PRPF6: variants seen among roughly 807,000 people sequenced by gnomAD.
PRPF6 encodes pre-mRNA processing factor 6, also known as pre-mRNA-processing factor 6.
Under a neutral mutation model 118.3 loss-of-function variants are expected in PRPF6, and 42 were observed. The observed-to-expected ratio is 0.35, with a 90% CI of 0.28 to 0.46. The LOEUF (loss-of-function observed/expected upper bound fraction) is 0.46. Among genes scored for constraint, PRPF6 ranks in the 20% least tolerant of loss-of-function variants. PRPF6 has a pLI of 1.00. For missense variants in PRPF6, 662 were observed against 1,255.7 expected, an observed-to-expected ratio of 0.53 and a Z score of 7.15; for synonymous variants, 481 against 485.1, an observed-to-expected ratio of 0.99 and a Z score of 0.11.
Position 64,024,482 on chromosome 20 carries a change from C to T in PRPF6, c.1770-73C>T, listed in dbSNP as rs1401809156. The T allele has an allele frequency of 1.8e-5, 28 of 1,590,140 alleles. 1 individual carries two copies. The Middle Eastern group carries it at 5.0e-4, about 28-fold the overall frequency. On this transcript the variant is annotated intron_variant, in intron 13 of 20. Transcript: ENST00000266079. ...AGTAACTGTCTTTCTGGCGTGCCCA[C>T]GCCATGGCTGAGTGTGATGTGTGTT...
chr20:63,995,001 G>C lies in PRPF6; in HGVS notation c.524G>C (p.Arg175Pro). The C allele has an allele frequency of 1.2e-5, 19 of 1,614,184 alleles. No homozygotes were observed. Among genetic ancestry groups the C allele is most frequent in the Non-Finnish European group, 1.4e-5 (17 of 1,180,032 alleles). ...DARNKRQRNPRYEKLTPVPDS... is the reference protein window; with the variant it reads ...DARNKRQRNPPYEKLTPVPDS... The stretch of plus-strand genomic sequence containing the variant: ...AGAAATAAACGTCAGCGGAACCCAC[G>C]CTATGAGAAGCTGACCCCTGTTCCT... Residue 175 changes from arginine (R) to proline (P), a missense_variant, in exon 5 of 21, where the codon CGC becomes CCC. Arg to Pro is a moderately radical substitution (Grantham distance 103). Transcript: ENST00000266079.
intron 11 of PRPF6, among the ~76,000 whole-genome samples, chr20:64,014,585 G>A (rs771481087): frequency 4.6e-5 from 7 of 151,992 alleles, no homozygotes; most frequent in East Asian, 1.9e-4. Context: ...TGAACCTGGC[G>A]GAGGCAGAGG....
chr20:64,023,602 TC>T (rs57800795), intron 13 of PRPF6, among the ~76,000 whole-genome samples: 22,219 of 152,180 alleles, frequency 0.15, 1,918 homozygotes, highest in South Asian at 0.24. Context: ...CTCAGCCTCT[TC>T]AGGGTGTCTT....
intron 3 of PRPF6, among the ~76,000 whole-genome samples, chr20:63,988,576 T>C (rs2059105120): frequency 6.6e-6 from 1 of 151,894 alleles, no homozygotes; most frequent in Non-Finnish European, 1.5e-5. Flanking sequence ...GGGGACATTA[T>C]TAACAGATAG....
chr20:64,001,363 T>G, intron 9 of PRPF6, 124 bp downstream of exon 9: 17 of 1,143,982 alleles, frequency 1.5e-5, no homozygotes, highest in Non-Finnish European at 1.8e-5. Context: ...TTTCAGGCCT[T>G]TTCTCAGGCT....
chr20:63,998,438 G>A (rs1208164175), intron 6 of PRPF6, among the ~76,000 whole-genome samples: 1 of 151,892 alleles, frequency 6.6e-6, no homozygotes, highest in Non-Finnish European at 1.5e-5. Context: ...GGGAGGCTGA[G>A]GCAGGAGGAT....
At chr20:64,019,180 C>T (rs1181946983) in intron 12 of PRPF6, among the ~76,000 whole-genome samples, 4 of 148,190 alleles carry the variant, frequency 2.7e-5, no homozygotes, top group East Asian at 2.0e-4. Context: ...CTCACTGCAA[C>T]CTCCGCCTCC....
Position 64,029,502 on chromosome 20 carries a change from C to T in PRPF6, c.2546+11C>T, listed in dbSNP as rs376000550. On this transcript the variant is annotated intron_variant, in intron 19 of 20. Transcript: ENST00000266079. This position sits in a 1 kb window ranked among gnomAD's most constrained non-coding sequence, Gnocchi z 4.8. ...CCTGGCCGTGGCCAAGTGAGTGGGG[C>T]CCCCACAGGATTGCTGAACCTCGGG... 7 of 1,610,990 alleles carry T rather than the reference C, an allele frequency of 4.3e-6. No homozygotes were observed. Among genetic ancestry groups the T allele is most frequent in the Admixed American group, 1.7e-5 (1 of 60,030 alleles).
At chr20:64,001,280 G>T (rs767205078) in intron 9 of PRPF6, 41 bp downstream of exon 9, 2 of 1,610,086 alleles carry the variant, frequency 1.2e-6, no homozygotes, top group Non-Finnish European at 1.7e-6. Flanking sequence ...CCTCCTTGGG[G>T]CCCCTCCTCT....
At position 64,011,566 on chromosome 20, in the gene PRPF6, C is replaced by T; in HGVS notation, c.1524+63C>T. The T allele has an allele frequency of 6.6e-7, 1 of 1,520,866 alleles. No individual in the cohort carries two copies. The highest frequency in any genetic ancestry group is 1.2e-5 in the South Asian group (1 of 84,232). 94.2% of individuals were successfully genotyped at this position (1,520,866 alleles called of 1,614,324 possible). On this transcript the variant is annotated intron_variant, in intron 11 of 20. Transcript: ENST00000266079. The surrounding 1 kb of genome is among the most constrained non-coding windows in gnomAD (Gnocchi z 6.7). ...AGTGCACATGCAGCACGTGAGAGTC[C>T]CACGCAGGACTGGGGGTTGCTGGAT... is the stretch of plus-strand genomic sequence containing the variant.
chr20:63,983,294 G>A, intron 2 of PRPF6, 79 bp downstream of exon 2: 1 of 1,562,870 alleles, frequency 6.4e-7, no homozygotes, highest in Non-Finnish European at 8.8e-7. Context: ...GTTGGTGTCT[G>A]TAATGAATGG....
At chr20:64,008,120 C>A (rs942636141) in intron 9 of PRPF6, among the ~76,000 whole-genome samples, 65 of 152,170 alleles carry the variant, frequency 4.3e-4, no homozygotes, top group African/African-American at 1.5e-3. Flanking sequence ...CTACTGCATT[C>A]ATATTTTTCC....
chr20:64,020,785 ATTTTTTTT>A (rs10670252), intron 12 of PRPF6, among the ~76,000 whole-genome samples: 1 of 134,168 alleles, frequency 7.5e-6, no homozygotes, highest in Non-Finnish European at 1.6e-5. Flanking sequence ...ACTATACCTA[ATTTTTTTT>A]TTTTTTTTTT....
At position 64,028,095 on chromosome 20, in the gene PRPF6, G is replaced by A. The variant is rs955698749; in HGVS notation, c.2339+359G>A. ...GGTGGACAGGAGCCTGCTAGGTGCA[G>A]GCTCTGTTCATGGAGGTGCTGCGTC... On this transcript the variant is annotated intron_variant, in intron 17 of 20. Transcript: ENST00000266079. The surrounding 1 kb of genome is among the most constrained non-coding windows in gnomAD (Gnocchi z 6.5). Among the ~76,000 whole-genome samples, 3 of 152,194 alleles carry A rather than the reference G, an allele frequency of 2.0e-5. No homozygotes were observed. Among genetic ancestry groups the A allele is most frequent in the African/African-American group, 7.2e-5 (3 of 41,440 alleles).
chr20:63,989,989 G>C (rs1375624700), intron 3 of PRPF6, among the ~76,000 whole-genome samples: 1 of 151,890 alleles, frequency 6.6e-6, no homozygotes, highest in Non-Finnish European at 1.5e-5. Context: ...AAGTAGCCGG[G>C]ATTATAGGCA....
chr20:64,014,926 G>T (rs560639894), intron 11 of PRPF6, among the ~76,000 whole-genome samples: 2 of 152,300 alleles, frequency 1.3e-5, no homozygotes, highest in South Asian at 4.1e-4. Flanking sequence ...CACCGTGAGT[G>T]GAATCACACG....
intron 3 of PRPF6, among the ~76,000 whole-genome samples, chr20:63,986,467 T>C (rs889575329): frequency 1.3e-5 from 2 of 150,870 alleles, no homozygotes; most frequent in Non-Finnish European, 2.9e-5. Flanking sequence ...ATCAACAGAA[T>C]GAAGGACAAA....
rs2874206 is a variant in PRPF6 at position 64,006,863 on chromosome 20, C to T, written c.1187-3337C>T. ...GATGGGCACATGGTAAGACCATGTTCTGCCTGAATCGGTGAATTCATATAG... is the reference window on the plus strand; with the variant it reads ...GATGGGCACATGGTAAGACCATGTTTTGCCTGAATCGGTGAATTCATATAG... On this transcript the variant is annotated intron_variant, in intron 9 of 20. Transcript: ENST00000266079. Among the ~76,000 whole-genome samples, 989 of 152,354 alleles carry T rather than the reference C, an allele frequency of 6.5e-3. 14 individuals are homozygous for T. The highest frequency in any genetic ancestry group is 0.022 in the African/African-American group (930 of 41,586).
In PRPF6 at chr20:64,029,727, G is replaced by T. The variant is rs142951130; in HGVS notation, c.2546+236G>T. Among the ~76,000 whole-genome samples the T allele has an allele frequency of 4.0e-4, 45 of 112,108 alleles. No homozygotes were observed. Among genetic ancestry groups the T allele is most frequent in the African/African-American group, 7.8e-4 (29 of 37,162 alleles). The allele number at this position is 112,108 out of a possible 152,430, so 73.5% of individuals were successfully genotyped here. A position where few individuals can be genotyped will look rare whatever the true frequency, so the allele number is the denominator to read the frequency against. Reference sequence around the variant, plus strand: ...GGACGCATGTGATTCACACTGGTGCGCTGGCCGCCGGGTCACAGACTCACT... The same window carrying T: ...GGACGCATGTGATTCACACTGGTGCTCTGGCCGCCGGGTCACAGACTCACT... On this transcript the variant is annotated intron_variant, in intron 19 of 20. Coordinates refer to ENST00000266079, the MANE Select transcript of PRPF6 (RefSeq NM_012469.4). This position sits in a 1 kb window ranked among gnomAD's most constrained non-coding sequence, Gnocchi z 4.8.
Sources: allele counts gnomAD v4.1 joint callset (sites outside exome capture counted in the v4.1 genomes callset), GRCh38; gene constraint gnomAD v4.1.1; non-coding constraint Gnocchi (gnomAD v3.1); transcripts MANE v1.5; gene names NCBI Gene and HGNC (gene_info 2026-07-23, HGNC 2026-07-21).